ATP6V0A1: variants seen among roughly 807,000 people sequenced by gnomAD.
ATP6V0A1 encodes ATPase H+ transporting V0 subunit a1.
A neutral mutation model predicts 105.4 loss-of-function variants in ATP6V0A1; 43 were observed. That is an observed-to-expected ratio of 0.41 (90% CI 0.32 to 0.53). The LOEUF (loss-of-function observed/expected upper bound fraction) is 0.53. Among genes scored for constraint, ATP6V0A1 ranks in the 20% least tolerant of loss-of-function variants. The probability of loss-of-function intolerance (pLI) is 0.30; values close to 1 mark genes in which losing one functional copy is unlikely to be tolerated. For missense variants in ATP6V0A1, 676 were observed against 1,051.1 expected (o/e 0.64, Z 4.93); for synonymous variants, 362 against 372.8 (o/e 0.97, Z 0.33).
Position 42,460,918 on chromosome 17 carries a change from A to G in ATP6V0A1, c.24A>G (p.Glu8=). 1.2e-6 allele frequency: 2 copies of G among 1,614,076 alleles called. No individual in the cohort carries two copies. Among genetic ancestry groups the G allele is most frequent in the Non-Finnish European group, 1.7e-6 (2 of 1,179,958 alleles). The part of the protein sequence containing the change: MGELFRS[E]EMTLAQLFLQ... ...CCATGGGGGAGCTTTTCCGGAGTGA[A>G]GAAATGACACTGGCCCAGCTTTTTC... The change falls in exon 2 of 22, where the codon GAA becomes GAG. Residue 8 remains glutamate, a synonymous_variant. Transcript: ENST00000343619.
Position 42,507,712 on chromosome 17 carries a change from TCTC to T in ATP6V0A1, c.2112+88_2112+90del, listed in dbSNP as rs767048202. 8 of 1,113,040 alleles carry T rather than the reference TCTC, an allele frequency of 7.2e-6. No individual in the cohort carries two copies. In the South Asian group the frequency reaches 7.4e-5, roughly 10 times the overall value. The allele number at this position is 1,113,040 out of a possible 1,614,324, so 68.9% of individuals were successfully genotyped here. A position where few individuals can be genotyped will look rare whatever the true frequency, so the allele number is the denominator to read the frequency against. On this transcript the variant is annotated intron_variant, in intron 18 of 21. Transcript: ENST00000343619. ...TACCTAAGAGGCCTCACTCCAGTCT[TCTC>T]CTTGAAAAATAAAAATACTAATTAA...
In ATP6V0A1 at chr17:42,460,986, A is replaced by G; in HGVS notation, c.92A>G (p.Glu31Gly). The G allele has an allele frequency of 6.2e-7, 1 of 1,613,988 alleles. No homozygotes were observed. Among genetic ancestry groups the G allele is most frequent in the Middle Eastern group, 1.7e-4 (1 of 6,060 alleles). The change falls in exon 2 of 22, where the codon GAA (glutamate) becomes GGA (glycine). Residue 31 changes from glutamate (E) to glycine (G), a missense_variant. By Grantham distance (98) the Glu-to-Gly change is moderately conservative. Around this residue, in one of 3 missense-constraint regions of ATP6V0A1, gnomAD observed 239 missense variants for 388.4 expected, o/e 0.62. Transcript: ENST00000343619. ...TATTGTTGTGTCAGTGAATTAGGAGAACTTGGAAAGGTTCAGTTTCGTGAC... is the reference window on the plus strand; with the variant it reads ...TATTGTTGTGTCAGTGAATTAGGAGGACTTGGAAAGGTTCAGTTTCGTGAC... The part of the protein sequence containing the change: ...AAYCCVSELG[E>G]LGKVQFRDLN...
chr17:42,495,529 A>G (rs1598949763), intron 13 of ATP6V0A1, 97 bp from the exon 14 acceptor site: 2 of 923,978 alleles, frequency 2.2e-6, no homozygotes, highest in Admixed American at 4.5e-5. Context: ...TGAAGAGACA[A>G]GATAGCTACA....
At chr17:42,514,736 G>C (rs573582315) in intron 21 of ATP6V0A1, among the ~76,000 whole-genome samples, 1 of 152,148 alleles carries the variant, frequency 6.6e-6, no homozygotes, top group Non-Finnish European at 1.5e-5. Context: ...TGTCCCCAGT[G>C]CTCCTGATTT....
intron 8 of ATP6V0A1, among the ~76,000 whole-genome samples, chr17:42,481,734 A>C (rs1369370816): frequency 6.6e-6 from 1 of 152,222 alleles, no homozygotes; most frequent in African/African-American, 2.4e-5. Context: ...TTGGGGAAAA[A>C]TAACTCTTAA....
chr17:42,507,271 C>A, intron 17 of ATP6V0A1: 1 of 397,994 alleles, frequency 2.5e-6, no homozygotes, highest in Non-Finnish European at 4.6e-6. Context: ...CTTGGCACAG[C>A]AGACAGAACT....
chr17:42,503,366 T>C (rs1420574579), intron 17 of ATP6V0A1, among the ~76,000 whole-genome samples: 1 of 152,256 alleles, frequency 6.6e-6, no homozygotes, highest in African/African-American at 2.4e-5. Context: ...TATACATGTT[T>C]AGTTTTTTGT....
intron 1 of ATP6V0A1, among the ~76,000 whole-genome samples, chr17:42,459,795 A>G (rs2086192701): frequency 6.6e-6 from 1 of 152,206 alleles, no homozygotes. Context: ...TGAACATCAC[A>G]TGCACAAAGG....
chr17:42,482,933 T>G, intron 8 of ATP6V0A1, 105 bp from the exon 9 acceptor site: 1 of 376,982 alleles, frequency 2.7e-6, no homozygotes, highest in Non-Finnish European at 4.4e-6. Flanking sequence ...ACTTAATACA[T>G]CGGTCTGACC....
rs2090969918 is a variant in ATP6V0A1 at position 42,494,492 on chromosome 17, C to T, written c.1314+19C>T. The T allele has an allele frequency of 6.3e-7, 1 of 1,580,250 alleles. No individual in the cohort carries two copies. The highest frequency in any genetic ancestry group is 8.6e-7 in the Non-Finnish European group (1 of 1,161,808). ...GAATGAGGTAATGTTTAAGTTACAT[C>T]TGCATTGAACTGAAATTTTATAATT... is the stretch of plus-strand genomic sequence containing the variant. On this transcript the variant is annotated intron_variant, in intron 12 of 21. Coordinates refer to ENST00000343619, the MANE Select transcript of ATP6V0A1 (RefSeq NM_001130021.3).
At chr17:42,485,293 A>T (rs2089991915) in intron 9 of ATP6V0A1, among the ~76,000 whole-genome samples, 1 of 152,216 alleles carries the variant, frequency 6.6e-6, no homozygotes, top group Non-Finnish European at 1.5e-5. Flanking sequence ...AGGCTATATT[A>T]GTATATTCTG....
chr17:42,477,789 C>G, intron 6 of ATP6V0A1, 47 bp downstream of exon 6: 1 of 1,480,618 alleles, frequency 6.8e-7, no homozygotes, highest in Non-Finnish European at 9.4e-7. Flanking sequence ...CCATGTTCAT[C>G]TCTTCTGTTC....
In ATP6V0A1 at chr17:42,501,289, G is replaced by C. The variant is rs151155566; in HGVS notation, c.1989G>C (p.Leu663Phe). Residue 663 changes from leucine to phenylalanine, a missense_variant, in exon 17 of 22, where the codon TTG becomes TTC. Coordinates refer to ENST00000343619, the MANE Select transcript of ATP6V0A1 (RefSeq NM_001130021.3). ...CATTGGTCCTTCGCCGTCAGTATTT[G>C]AGGAGAAAGCATTTGGTAGGTGTAT... ...FKPLVLRRQY[L>F]RRKHLGTLNF... is the part of the protein sequence containing the mutation. 10 of 1,613,694 alleles carry C rather than the reference G, an allele frequency of 6.2e-6. No individual in the cohort carries two copies. The highest frequency in any genetic ancestry group is 8.5e-6 in the Non-Finnish European group (10 of 1,179,794).
chr17:42,492,275 C>T (rs889221108), intron 11 of ATP6V0A1, among the ~76,000 whole-genome samples: 1 of 151,030 alleles, frequency 6.6e-6, no homozygotes, highest in African/African-American at 2.4e-5. Context: ...AGGCTGAGGC[C>T]TGAGAATCAC....
At chr17:42,467,980 G>C (rs781683757) in intron 3 of ATP6V0A1, 30 bp from the exon 4 acceptor site, 1 of 1,500,442 alleles carries the variant, frequency 6.7e-7, no homozygotes, top group Non-Finnish European at 9.2e-7. Context: ...TGTGCAGTTA[G>C]ACATGAATGT....
chr17:42,490,676 TTTTG>T (rs1567839760), intron 11 of ATP6V0A1, 39 bp downstream of exon 11: 4 of 1,558,532 alleles, frequency 2.6e-6, no homozygotes, highest in Non-Finnish European at 2.6e-6. Context: ...CTAGAGTTTT[TTTTG>T]TTTGTTTGGT....
At chr17:42,517,875 TCTC>T (rs1274073875) in intron 21 of ATP6V0A1, 5 of 152,234 alleles carry the variant, frequency 3.3e-5, no homozygotes, top group African/African-American at 1.2e-4. Context: ...CAAGTTCTGG[TCTC>T]CTCAGTGGGG....
intron 20 of ATP6V0A1, 40 bp from the exon 21 acceptor site, chr17:42,514,249 T>G: frequency 3.9e-6 from 6 of 1,542,650 alleles, no homozygotes; most frequent in Non-Finnish European, 5.2e-6. Flanking sequence ...CAGCTGCCTC[T>G]TGCCAAACTG....
chr17:42,510,020 C>T (rs1253533492), intron 19 of ATP6V0A1: 1 of 151,858 alleles, frequency 6.6e-6, no homozygotes, highest in Non-Finnish European at 1.5e-5. Context: ...AGAACTTCCC[C>T]ATTTTGCTTG....
Sources: gnomAD v4.1 joint callset for allele counts (sites outside exome capture counted in the v4.1 genomes callset) on GRCh38, gnomAD v4.1.1 for gene constraint, gnomAD v4.1.1 regional missense constraint, MANE v1.5 for transcripts, NCBI Gene and HGNC (gene_info 2026-07-23, HGNC 2026-07-21) for gene names.